Variants in LINGO1 observed in about 807,000 individuals in gnomAD.
The protein encoded by LINGO1 is leucine-rich repeat and immunoglobulin-like domain-containing nogo receptor-interacting protein 1.
Under a neutral mutation model 37.3 loss-of-function variants are expected in LINGO1, and 11 were observed. The ratio of observed to expected loss-of-function variants is 0.29; its 90% CI spans 0.19 to 0.49. The LOEUF (loss-of-function observed/expected upper bound fraction) is 0.49. LINGO1 is among the 20% of genes least tolerant of loss of function. LINGO1 has a pLI of 0.99. For synonymous variants in LINGO1, 387 were observed against 403.0 expected (o/e 0.96, Z 0.48); for missense variants, 585 against 878.2 (o/e 0.67, Z 4.22).
chr15:77,780,298 G>T (rs1336489269), intron 1 of LINGO1, among the ~76,000 whole-genome samples: 2 of 152,164 alleles, frequency 1.3e-5, no homozygotes, highest in Admixed American at 1.3e-4. Context: ...CTGAAAGGGA[G>T]AACATGGCAG....
At position 77,771,919 on chromosome 15, in the gene LINGO1, C is replaced by T. The variant is rs181723599; in HGVS notation, c.-257+14950G>A. 4.6e-5 allele frequency among the ~76,000 whole-genome samples: 7 copies of T among 152,332 alleles called. No homozygotes were observed. In the East Asian group the frequency reaches 7.7e-4, roughly 17 times the overall value. On this transcript the variant is annotated intron_variant, in intron 1 of 3. Transcript: ENST00000561686. ...CCCTCAATGGCCCTGAGTTTCTCCTCGTTCAGAGGTTGGGCCATCCCCCTC... is the reference window on the plus strand; with the variant it reads ...CCCTCAATGGCCCTGAGTTTCTCCTTGTTCAGAGGTTGGGCCATCCCCCTC...
At chr15:77,794,586 A>AT (rs2076855880) in intron 2 of LINGO1, among the ~76,000 whole-genome samples, 1 of 25,388 alleles carries the variant, frequency 3.9e-5, no homozygotes, top group African/African-American at 8.5e-5. Flanking sequence ...ATATATATAT[A>AT]TATATTTTTT....
chr15:77,752,242 CCACCA>C (rs1227593493), intron 1 of LINGO1, among the ~76,000 whole-genome samples: 7 of 152,228 alleles, frequency 4.6e-5, no homozygotes, highest in Non-Finnish European at 1.0e-4. Flanking sequence ...GGTGGACTGC[CCACCA>C]CACTGGCTCC....
chr15:77,774,450 C>T (rs908082691), intron 1 of LINGO1, among the ~76,000 whole-genome samples: 15 of 152,120 alleles, frequency 9.9e-5, no homozygotes, highest in African/African-American at 2.9e-4. Flanking sequence ...CCACAAGCAG[C>T]GGGGCACCCT....
chr15:77,755,144 C>T (rs2076407724), intron 1 of LINGO1, among the ~76,000 whole-genome samples: 1 of 152,234 alleles, frequency 6.6e-6, no homozygotes, highest in Non-Finnish European at 1.5e-5. Flanking sequence ...CAGTTCGCTT[C>T]AGGAGCACAG....
At chr15:77,759,085 T>G (rs1027393690) in intron 1 of LINGO1, among the ~76,000 whole-genome samples, 1 of 152,088 alleles carries the variant, frequency 6.6e-6, no homozygotes, top group Non-Finnish European at 1.5e-5. Context: ...GGAAAGCACT[T>G]AACAGCAGGG....
At chr15:77,795,527 A>G (rs903607188) in intron 2 of LINGO1, among the ~76,000 whole-genome samples, 2 of 152,160 alleles carry the variant, frequency 1.3e-5, no homozygotes, top group African/African-American at 4.8e-5. Flanking sequence ...TCCACACATT[A>G]GAGCCAATGT....
rs562038598 is a variant in LINGO1, at chr15:77,685,165, T to C, written c.-99+5555A>G. On this transcript the variant is annotated intron_variant, in intron 2 of 3. Coordinates refer to the LINGO1 transcript ENST00000559893. ...GGGAAGCTGCAGGGGATGGGGTGGG[T>C]GGGTATGCTAGAGGGCTCTGGAGAA... Among the ~76,000 whole-genome samples, 60 of 13,402 alleles carry C rather than the reference T, an allele frequency of 4.5e-3. 1 individual carries two copies. In the South Asian group the frequency reaches 0.095, roughly 21 times the overall value. The allele number at this position is 13,402 out of a possible 152,430, so 8.8% of individuals were successfully genotyped here. A position where few individuals can be genotyped will look rare whatever the true frequency, so the allele number is the denominator to read the frequency against.
chr15:77,735,256 A>G (rs1362389464), intron 1 of LINGO1, among the ~76,000 whole-genome samples: 39 of 152,186 alleles, frequency 2.6e-4, no homozygotes, highest in Admixed American at 2.6e-3. Flanking sequence ...CAGAGTCAAG[A>G]TTGCACTTTC....
rs577028939 is a variant in LINGO1 at position 77,772,542 on chromosome 15, G to A, written c.-257+14327C>T. Among the ~76,000 whole-genome samples, 12 of 152,180 alleles carry A rather than the reference G, an allele frequency of 7.9e-5. No homozygotes were observed. In the South Asian group the frequency reaches 2.1e-3, roughly 26 times the overall value. On this transcript the variant is annotated intron_variant, in intron 1 of 3. Coordinates refer to the LINGO1 transcript ENST00000561686. ...CTGCCAACCTGACACCTTGGCTTCC[G>A]CTGTCAACGCCCCAAATCCATAGAC...
intron 1 of LINGO1, among the ~76,000 whole-genome samples, chr15:77,628,346 T>C (rs1489327813): frequency 6.6e-6 from 1 of 152,152 alleles, no homozygotes; most frequent in Admixed American, 6.5e-5. Context: ...ACTTTTAGGA[T>C]CACATGACAG....
intron 2 of LINGO1, among the ~76,000 whole-genome samples, chr15:77,716,813 C>T (rs996871562): frequency 3.3e-5 from 5 of 150,190 alleles, no homozygotes; most frequent in African/African-American, 7.3e-5. Context: ...GTGGCAACTT[C>T]GAGGCTCAGA....
At chr15:77,665,038 G>T (rs1352550602) in intron 3 of LINGO1, among the ~76,000 whole-genome samples, 4 of 152,182 alleles carry the variant, frequency 2.6e-5, no homozygotes, top group African/African-American at 9.7e-5. Context: ...GCACATCTTG[G>T]TATACAGGTC....
At chr15:77,776,526 A>AAAGCAGGAAGGGAGTAAGGG (rs1567577779) in intron 1 of LINGO1, among the ~76,000 whole-genome samples, 2 of 35,754 alleles carry the variant, frequency 5.6e-5, no homozygotes, top group African/African-American at 2.0e-4. Context: ...GGAAGGGAGG[A>AAAGCAGGAAGGGAGTAAGGG]AGGGAGGGAG....
At chr15:77,685,180 G>C (rs4392022) in intron 2 of LINGO1, among the ~76,000 whole-genome samples, 146,596 of 146,602 alleles carry the variant, frequency 1, 73,295 homozygotes, top group Middle Eastern at 1. Context: ...ATGCTAGAGG[G>C]CTCTGGAGAA....
chr15:77,633,431 G>A (rs1371955757), upstream of LINGO1, among the ~76,000 whole-genome samples: 3 of 152,326 alleles, frequency 2.0e-5, no homozygotes, highest in East Asian at 5.8e-4. Flanking sequence ...CCGACCGGGA[G>A]CCCCCGTCCT....
chr15:77,722,292 T>C (rs1233606746), intron 2 of LINGO1, among the ~76,000 whole-genome samples: 5 of 152,186 alleles, frequency 3.3e-5, no homozygotes, highest in African/African-American at 1.2e-4. Context: ...TCTGGGTTTA[T>C]CAGGAGGCCC....
intron 1 of LINGO1, among the ~76,000 whole-genome samples, chr15:77,745,355 G>A (rs1274920070): frequency 2.6e-5 from 4 of 151,652 alleles, no homozygotes; most frequent in Admixed American, 6.6e-5. Flanking sequence ...GAACCCGGGA[G>A]GTGGAGCTTG....
upstream of LINGO1, among the ~76,000 whole-genome samples, chr15:77,699,030 A>G (rs2075733687): frequency 6.6e-6 from 1 of 152,022 alleles, no homozygotes; most frequent in African/African-American, 2.4e-5. Flanking sequence ...GGGTCCAGGG[A>G]TGTGTCAGGA....
Sources: gnomAD v4.1 joint callset for allele counts (sites outside exome capture counted in the v4.1 genomes callset) on GRCh38, gnomAD v4.1.1 for gene constraint, MANE v1.5 for transcripts, NCBI Gene and HGNC (gene_info 2026-07-23, HGNC 2026-07-21) for gene names.